Variants in STARD13 observed in about 807,000 individuals in gnomAD.
STARD13 encodes StAR related lipid transfer domain containing 13, also known as stAR-related lipid transfer protein 13.
Under a neutral mutation model 106.4 loss-of-function variants are expected in STARD13, and 62 were observed. The observed-to-expected ratio is 0.58, with a 90% confidence interval of 0.48 to 0.72. The LOEUF is 0.72. Among genes scored for constraint, STARD13 ranks in the 30% least tolerant of loss-of-function variants. The pLI is 0.00. For synonymous variants in STARD13, 565 were observed against 553.0 expected (o/e 1.02, Z -0.31); for missense variants, 1,387 against 1,424.0 (o/e 0.97, Z 0.42).
intron 1 of STARD13, among the ~76,000 whole-genome samples, chr13:33,210,221 T>C (rs1316478843): frequency 1.3e-5 from 2 of 152,236 alleles, no homozygotes; most frequent in Non-Finnish European, 2.9e-5. Flanking sequence ...CAGAACTTAC[T>C]GCACATCAAG....
At chr13:33,626,654 T>C in the STARD13 span, among the ~76,000 whole-genome samples, 2 of 152,200 alleles carry the variant, frequency 1.3e-5, no homozygotes, top group African/African-American at 4.8e-5. Flanking sequence ...TATATAATCT[T>C]TACCTACTCT....
the STARD13 span, among the ~76,000 whole-genome samples, chr13:33,540,800 T>C: frequency 6.6e-6 from 1 of 152,202 alleles, no homozygotes; most frequent in East Asian, 1.9e-4. Context: ...AATGAGATAT[T>C]TGGATTACAG....
the STARD13 span, among the ~76,000 whole-genome samples, chr13:33,513,984 T>C: frequency 6.6e-6 from 1 of 152,254 alleles, no homozygotes. Context: ...TAACCTCTAA[T>C]AAAATATATC....
chr13:33,548,315 A>T, the STARD13 span, among the ~76,000 whole-genome samples: 4 of 152,216 alleles, frequency 2.6e-5, no homozygotes, highest in South Asian at 8.3e-4. Flanking sequence ...GTCTTCTAAC[A>T]GAATTTGGAA....
chr13:33,353,365 C>T (rs1020851259), upstream of STARD13, among the ~76,000 whole-genome samples: 1 of 152,278 alleles, frequency 6.6e-6, no homozygotes. Flanking sequence ...TTATTGTTGT[C>T]CTTTCCAGGG....
At chr13:33,644,461 C>T in the STARD13 span, among the ~76,000 whole-genome samples, 1 of 152,048 alleles carries the variant, frequency 6.6e-6, no homozygotes, top group African/African-American at 2.4e-5. Context: ...GGGTACTTTG[C>T]ACAGCGCACA....
At chr13:33,208,479 G>A (rs1356188863) in intron 1 of STARD13, among the ~76,000 whole-genome samples, 1 of 152,186 alleles carries the variant, frequency 6.6e-6, no homozygotes, top group Non-Finnish European at 1.5e-5. Context: ...GTCATCAAAG[G>A]TGGGGCGGAA....
At chr13:33,551,560 TGCTTTTCCC>T in the STARD13 span, among the ~76,000 whole-genome samples, 2 of 132,484 alleles carry the variant, frequency 1.5e-5, no homozygotes, top group Non-Finnish European at 3.2e-5. Flanking sequence ...GACAAGCTTT[TGCTTTTCCC>T]TTTTTTTTTT....
At chr13:33,141,856 A>G (rs140905440) in intron 4 of STARD13, among the ~76,000 whole-genome samples, 5 of 151,204 alleles carry the variant, frequency 3.3e-5, no homozygotes, top group African/African-American at 1.2e-4. Flanking sequence ...AAGCACCGAG[A>G]TATTTTACAT....
intron 8 of STARD13, 136 bp downstream of exon 8, chr13:33,117,929 T>C: frequency 6.9e-7 from 1 of 1,458,700 alleles, no homozygotes; most frequent in East Asian, 2.4e-5. Context: ...GTTACTTCCG[T>C]AGAGGAGAGC....
At chr13:33,265,278 G>A (rs1890842999) in intron 1 of STARD13, among the ~76,000 whole-genome samples, 1 of 151,914 alleles carries the variant, frequency 6.6e-6, no homozygotes, top group Non-Finnish European at 1.5e-5. Flanking sequence ...AGCTGCCTGA[G>A]GCAAATATGT....
chr13:33,664,948 T>C, the STARD13 span, among the ~76,000 whole-genome samples: 2 of 152,326 alleles, frequency 1.3e-5, no homozygotes, highest in East Asian at 3.9e-4. Context: ...CTCTTTTACT[T>C]ACCTTACTCA....
chr13:33,602,590 G>T, the STARD13 span, among the ~76,000 whole-genome samples: 2 of 152,186 alleles, frequency 1.3e-5, no homozygotes, highest in African/African-American at 4.8e-5. Flanking sequence ...GTTCAAGATG[G>T]AGGTGAAGCT....
chr13:33,195,203 A>G (rs974091228), intron 1 of STARD13, among the ~76,000 whole-genome samples: 1 of 152,236 alleles, frequency 6.6e-6, no homozygotes, highest in Admixed American at 6.5e-5. Context: ...GGATATGGCA[A>G]TTTAATTTTA....
chr13:33,231,464 C>T (rs996332193), intron 1 of STARD13, among the ~76,000 whole-genome samples: 1 of 152,202 alleles, frequency 6.6e-6, no homozygotes, highest in Non-Finnish European at 1.5e-5. Flanking sequence ...TCAGGCTGGC[C>T]TCACTGCCCT....
At chr13:33,312,383 T>G (rs1361813518) in intron 1 of STARD13, among the ~76,000 whole-genome samples, 1 of 152,100 alleles carries the variant, frequency 6.6e-6, no homozygotes, top group South Asian at 2.1e-4. Flanking sequence ...TTGTCAGGGG[T>G]GTTTTGTGCC....
Position 33,350,464 on chromosome 13 carries a change from G to A in STARD13, c.-51C>T. The A allele has an allele frequency of 1.4e-5, 21 of 1,502,196 alleles. 1 individual carries two copies. The South Asian group carries it at 2.6e-4, about 19-fold the overall frequency. The allele number at this position is 1,502,196 out of a possible 1,614,324, so 93.1% of individuals were successfully genotyped here. On this transcript the variant is annotated 5_prime_UTR_variant, in exon 1 of 2. Coordinates refer to the STARD13 transcript ENST00000439831. ...GCGGGCTCTCCACCGCCACTCCCGC[G>A]TGGCCCGCGACTCAGACTCCCGGCG...
At chr13:33,223,140 A>G (rs1888443277) in intron 1 of STARD13, among the ~76,000 whole-genome samples, 1 of 152,204 alleles carries the variant, frequency 6.6e-6, no homozygotes, top group Non-Finnish European at 1.5e-5. Flanking sequence ...CTTGTCCTAG[A>G]TTACCCAGCC....
the STARD13 span, among the ~76,000 whole-genome samples, chr13:33,428,473 C>A: frequency 5.3e-5 from 8 of 152,112 alleles, no homozygotes; most frequent in Non-Finnish European, 7.4e-5. Flanking sequence ...AACTCAACAA[C>A]AATGAAAACC....
Sources: gnomAD v4.1 joint callset for allele counts (sites outside exome capture counted in the v4.1 genomes callset) on GRCh38, gnomAD v4.1.1 for gene constraint, MANE v1.5 for transcripts, NCBI Gene and HGNC (gene_info 2026-07-23, HGNC 2026-07-21) for gene names.